TMEM237: variants seen among roughly 807,000 people sequenced by gnomAD.
TMEM237 encodes transmembrane protein 237.
TMEM237 carries 51 observed loss-of-function variants against 59.1 expected under a neutral mutation model. The observed-to-expected ratio is 0.86, with a 90% CI of 0.69 to 1.09. The LOEUF is 1.09. TMEM237 is among the 50% of genes least tolerant of loss of function. TMEM237 has a pLI of 0.00. For missense variants in TMEM237, 475 were observed against 478.3 expected, an observed-to-expected ratio of 0.99 and a Z score of 0.06; for synonymous variants, 140 against 166.1, an observed-to-expected ratio of 0.84 and a Z score of 1.21.
At position 201,643,369 on chromosome 2, in the gene TMEM237, T is replaced by A; in HGVS notation, c.32A>T (p.Glu11Val). MRTDSGARLE[E>V]GHLRPPRALP... is the part of the protein sequence containing the mutation. ...CCCCTCGCCGCTCACCAGGTGGCCCTCCTCCAGCCGAGCCCCCGAGTCAGT... is the reference window on the plus strand; with the variant it reads ...CCCCTCGCCGCTCACCAGGTGGCCCACCTCCAGCCGAGCCCCCGAGTCAGT... Residue 11 changes from glutamate to valine, a missense_variant, in exon 1 of 13, where the codon GAG (glutamate) becomes GTG (valine). Coordinates refer to ENST00000409883, the MANE Select transcript of TMEM237 (RefSeq NM_001044385.3). The surrounding 1 kb of genome is among the most constrained non-coding windows in gnomAD (Gnocchi z 4.3). The A allele has an allele frequency of 2.0e-6, 3 of 1,536,884 alleles. No individual in the cohort carries two copies. The highest frequency in any genetic ancestry group is 2.6e-6 in the Non-Finnish European group (3 of 1,141,900).
chr2:201,625,491 T>C (rs911883995), intron 12 of TMEM237, among the ~76,000 whole-genome samples: 2 of 152,174 alleles, frequency 1.3e-5, no homozygotes, highest in African/African-American at 4.8e-5. Context: ...AGTTTGCTAA[T>C]ATGATGATTC....
intron 5 of TMEM237, 133 bp downstream of exon 5, chr2:201,636,615 A>G: frequency 1.0e-6 from 1 of 999,634 alleles, no homozygotes; most frequent in Non-Finnish European, 1.4e-6. Flanking sequence ...CTAGTGGTAA[A>G]TATTTTAAAC....
chr2:201,626,379 CAA>C, intron 11 of TMEM237: 1 of 331,206 alleles, frequency 3.0e-6, no homozygotes, highest in East Asian at 4.8e-5. Flanking sequence ...CATATAAATG[CAA>C]AGTTAGTATT....
In TMEM237 at chr2:201,635,892, G is replaced by A. The variant is rs974345930; in HGVS notation, c.274+856C>T. On this transcript the variant is annotated intron_variant, in intron 5 of 12. Transcript: ENST00000409883. The surrounding 1 kb of genome is among the most constrained non-coding windows in gnomAD (Gnocchi z 4.5). ...AAGAACTATGAAAAAATAAACTGTT[G>A]TTTGAAGTCACACAGTTTGTGGTAA... Among the ~76,000 whole-genome samples the A allele has an allele frequency of 6.6e-6, 1 of 152,088 alleles. No individual in the cohort carries two copies. Among genetic ancestry groups the A allele is most frequent in the African/African-American group, 2.4e-5 (1 of 41,416 alleles).
rs1957787789 is a variant in TMEM237, at chr2:201,629,347, G to C, written c.752C>G (p.Ala251Gly). ...TGAGAGGTTGGATAGCTGATCTCCT[G>C]CTAGAACATATATCACAACAATATT... is the stretch of plus-strand genomic sequence containing the variant. Reference protein sequence around the residue: ...VWNIVVIYVLAGDQLSNLSNL... With the variant: ...VWNIVVIYVLGGDQLSNLSNL... Residue 251 changes from alanine to glycine, a missense_variant, in exon 9 of 13, where the codon GCA becomes GGA. Transcript: ENST00000409883. 6.2e-7 allele frequency: 1 copy of C among 1,610,448 alleles called. No homozygotes were observed. Among genetic ancestry groups the C allele is most frequent in the Admixed American group, 1.7e-5 (1 of 59,130 alleles).
chr2:201,640,665 C>T (rs1302374167), intron 2 of TMEM237, among the ~76,000 whole-genome samples: 4 of 151,636 alleles, frequency 2.6e-5, no homozygotes, highest in Non-Finnish European at 5.9e-5. Context: ...GGAATGGATC[C>T]ATTATCCTAC....
intron 6 of TMEM237, 49 bp downstream of exon 6, chr2:201,633,262 G>T (rs1359648834): frequency 6.4e-7 from 1 of 1,551,144 alleles, no homozygotes; most frequent in Non-Finnish European, 8.7e-7. Context: ...TCCAAACAAA[G>T]CATCAGGGTA....
chr2:201,638,712 A>G, intron 4 of TMEM237: 1 of 425,962 alleles, frequency 2.3e-6, no homozygotes, highest in South Asian at 4.3e-5. Context: ...TCTGGGGATA[A>G]AAGACCTTAA....
At chr2:201,626,259 C>T in intron 11 of TMEM237, 112 bp from the exon 12 acceptor site, 1 of 1,148,234 alleles carries the variant, frequency 8.7e-7, no homozygotes. Flanking sequence ...AGAGAAATAA[C>T]AAGTAAAGTG....
In TMEM237 at chr2:201,627,122, T is replaced by G. The variant is rs530852313; in HGVS notation, c.1037+199A>C. 5.9e-5 allele frequency among the ~76,000 whole-genome samples: 9 copies of G among 152,172 alleles called. No homozygotes were observed. The East Asian group carries it at 1.7e-3, about 29-fold the overall frequency. ...TAACTTGAAGATCTAAAACAGATTT[T>G]TAAAAGGAAGATATTTCATTAAAAA... On this transcript the variant is annotated intron_variant, in intron 11 of 12. Coordinates refer to ENST00000409883, the MANE Select transcript of TMEM237 (RefSeq NM_001044385.3).
Position 201,636,840 on chromosome 2 carries a change from G to A in TMEM237, c.182C>T (p.Pro61Leu). Residue 61 changes from proline to leucine, a missense_variant, in exon 5 of 13, where the codon CCC (proline) becomes CTC (leucine). Transcript: ENST00000409883. Reference sequence around the variant, plus strand: ...AGTTGATGGCTCATTGCCCTCAGAGGGCCTTCGACCAGCAGTCTGAGCAAG... The same window carrying A: ...AGTTGATGGCTCATTGCCCTCAGAGAGCCTTCGACCAGCAGTCTGAGCAAG... ...EGLAQTAGRR[P>L]SEGNEPSTKE... 2 of 1,607,010 alleles carry A rather than the reference G, an allele frequency of 1.2e-6. No individual in the cohort carries two copies. The highest frequency in any genetic ancestry group is 1.7e-6 in the Non-Finnish European group (2 of 1,176,958).
chr2:201,638,935 G>C (rs374774582), intron 4 of TMEM237, 54 bp downstream of exon 4: 1 of 1,502,552 alleles, frequency 6.7e-7, no homozygotes, highest in Non-Finnish European at 9.1e-7. Flanking sequence ...TGTTTACTAC[G>C]CCTGAGGTCC....
chr2:201,640,824 C>A, intron 2 of TMEM237, 69 bp downstream of exon 2: 1 of 1,318,068 alleles, frequency 7.6e-7, no homozygotes, highest in South Asian at 1.6e-5. Flanking sequence ...TGATACTAGT[C>A]AATTTTTCCA....
chr2:201,629,375 A>G lies in TMEM237; in HGVS notation c.724T>C (p.Trp242Arg). The G allele has an allele frequency of 6.2e-7, 1 of 1,601,348 alleles. No homozygotes were observed. The highest frequency in any genetic ancestry group is 8.5e-7 in the Non-Finnish European group (1 of 1,176,460). ...AGAACATATATCACAACAATATTCC[A>G]CACAGCACAGCCAGCCAAGAATCCA... is the stretch of plus-strand genomic sequence containing the variant. ...SHGFLAGCAV[W>R]NIVVIYVLAG... Residue 242 changes from tryptophan to arginine, a missense_variant, in exon 9 of 13, where the codon TGG (tryptophan) becomes CGG (arginine). Coordinates refer to ENST00000409883, the MANE Select transcript of TMEM237 (RefSeq NM_001044385.3).
At position 201,638,997 on chromosome 2, in the gene TMEM237, T is replaced by A. The variant is rs1335675179; in HGVS notation, c.128A>T (p.Asn43Ile). Reference sequence around the variant, plus strand: ...AAAGAATAACGTCTTACCTGGTGTGTTTTTTGTTCTGGGCTTCTTTTTCTT... The same window carrying A: ...AAAGAATAACGTCTTACCTGGTGTGATTTTTGTTCTGGGCTTCTTTTTCTT... ...RPKKKKPRTK[N>I]TPASASLEGL... The change falls in exon 4 of 13, where the codon AAC (asparagine) becomes ATC (isoleucine). Residue 43 changes from asparagine (N) to isoleucine (I), a missense_variant. Coordinates refer to ENST00000409883, the MANE Select transcript of TMEM237 (RefSeq NM_001044385.3). The A allele has an allele frequency of 6.3e-7, 1 of 1,583,320 alleles. No homozygotes were observed.
chr2:201,624,073 T>C lies in TMEM237; in HGVS notation c.*182A>G. On this transcript the variant is annotated 3_prime_UTR_variant, in exon 13 of 13. Coordinates refer to ENST00000409883, the MANE Select transcript of TMEM237 (RefSeq NM_001044385.3). Reference sequence around the variant, plus strand: ...CATTAAGATGATAATGCTAGACAAATTAATGTTTAGACATAAACAGCAAAC... The same window carrying C: ...CATTAAGATGATAATGCTAGACAAACTAATGTTTAGACATAAACAGCAAAC... 1 of 442,342 alleles carries C rather than the reference T, an allele frequency of 2.3e-6. No homozygotes were observed. Among genetic ancestry groups the C allele is most frequent in the Non-Finnish European group, 4.0e-6 (1 of 251,896 alleles). The allele number at this position is 442,342 out of a possible 1,614,324, so 27.4% of individuals were successfully genotyped here.
At chr2:201,626,205 A>G in intron 11 of TMEM237, 58 bp from the exon 12 acceptor site, 1 of 1,553,662 alleles carries the variant, frequency 6.4e-7, no homozygotes, top group Non-Finnish European at 8.7e-7. Flanking sequence ...ATACACAAAT[A>G]TATCTATTTT....
At position 201,628,180 on chromosome 2, in the gene TMEM237, G is replaced by A. The variant is rs74780397; in HGVS notation, c.870-31C>T. 535 of 1,487,540 alleles carry A rather than the reference G, an allele frequency of 3.6e-4. 1 individual carries two copies. The African/African-American group carries it at 5.9e-3, about 16-fold the overall frequency. 92.1% of individuals were successfully genotyped at this position (1,487,540 alleles called of 1,614,324 possible). A position where few individuals can be genotyped will look rare whatever the true frequency, so the allele number is the denominator to read the frequency against. ...AAATATAAAAGTTTCTTGTCACAGC[G>A]CAGTTGTAAACTTAACAAAACTTTA... On this transcript the variant is annotated intron_variant, in intron 9 of 12. Transcript: ENST00000409883.
intron 1 of TMEM237, among the ~76,000 whole-genome samples, chr2:201,641,382 T>A (rs2105904763): frequency 6.6e-6 from 1 of 152,326 alleles, no homozygotes; most frequent in South Asian, 2.1e-4. Context: ...ATAATCTTGT[T>A]CATCAGTGAA....
Sources: gnomAD v4.1 joint callset for allele counts (sites outside exome capture counted in the v4.1 genomes callset) on GRCh38, gnomAD v4.1.1 for gene constraint, Gnocchi (gnomAD v3.1) non-coding constraint, MANE v1.5 for transcripts, NCBI Gene and HGNC (gene_info 2026-07-23, HGNC 2026-07-21) for gene names.